ITGA7: variants seen among roughly 807,000 people sequenced by gnomAD.
ITGA7 encodes integrin alpha-7.
Under a neutral mutation model 131.6 loss-of-function variants are expected in ITGA7, and 84 were observed. That is an observed-to-expected ratio of 0.64 (90% CI 0.54 to 0.77). The LOEUF (loss-of-function observed/expected upper bound fraction) is 0.77. ITGA7 is among the 30% of genes least tolerant of loss of function. The probability of loss-of-function intolerance (pLI) is 0.00; values close to 1 mark genes in which losing one functional copy is unlikely to be tolerated. For missense variants in ITGA7, 1,399 were observed against 1,482.9 expected (o/e 0.94, Z 0.93); for synonymous variants, 548 against 600.7 (o/e 0.91, Z 1.28).
chr12:55,691,698 G>T (rs987450196), intron 21 of ITGA7, among the ~76,000 whole-genome samples: 1 of 152,174 alleles, frequency 6.6e-6, no homozygotes, highest in Non-Finnish European at 1.5e-5. Context: ...AATCGGTCAC[G>T]TGGAGAAGGG....
At position 55,701,146 on chromosome 12, in the gene ITGA7, T is replaced by G. The variant is rs1186979242; in HGVS notation, c.423A>C (p.Ala141=). 1 of 1,614,068 alleles carries G rather than the reference T, an allele frequency of 6.2e-7. No homozygotes were observed. The highest frequency in any genetic ancestry group is 2.2e-5 in the East Asian group (1 of 44,900). The change falls in exon 4 of 25, where the codon GCA becomes GCC. Residue 141 remains alanine (A), a synonymous_variant. Transcript: ENST00000257879. ...CTCGCTGCCTTGCCTCATATCGGTG[T>G]GCACAGGTCTGGGGGAGGAAGGGAT... ...QGPGGKIVTC[A]HRYEARQRVD...
At position 55,693,366 on chromosome 12, in the gene ITGA7, T is replaced by C. The variant is rs768953685; in HGVS notation, c.2536-49A>G. ...GGGAGAGACCTCAGTTTTTCTTTTT[T>C]TTTTTTTTTTAATTTTTTGTAGAGA... On this transcript the variant is annotated intron_variant, in intron 19 of 24. Transcript: ENST00000257879. 1.2e-5 allele frequency: 19 copies of C among 1,521,250 alleles called. 1 individual carries two copies. Among genetic ancestry groups the C allele is most frequent in the Non-Finnish European group, 1.7e-5 (19 of 1,110,018 alleles). The allele number at this position is 1,521,250 out of a possible 1,614,324, so 94.2% of individuals were successfully genotyped here. A position where few individuals can be genotyped will look rare whatever the true frequency, so the allele number is the denominator to read the frequency against.
chr12:55,716,040 C>A (rs115612389), upstream of ITGA7: 2 of 1,544,558 alleles, frequency 1.3e-6, no homozygotes, highest in African/African-American at 1.4e-5. Flanking sequence ...CGTGACACAG[C>A]GGTCACGTGA....
chr12:55,710,464 T>C (rs1206500740), upstream of ITGA7, among the ~76,000 whole-genome samples: 2 of 151,832 alleles, frequency 1.3e-5, no homozygotes, highest in Non-Finnish European at 2.9e-5. Context: ...GTCAAGAGCT[T>C]AGGAATTAGT....
chr12:55,715,882 A>G, upstream of ITGA7: 1 of 812,386 alleles, frequency 1.2e-6, no homozygotes, highest in Non-Finnish European at 1.8e-6. Context: ...CTGGCTTGGC[A>G]ATATAAGTAT....
chr12:55,689,038 G>T, intron 21 of ITGA7, 81 bp from the exon 22 acceptor site: 1 of 1,050,460 alleles, frequency 9.5e-7, no homozygotes, highest in Non-Finnish European at 1.5e-6. Flanking sequence ...TTCCTTACTT[G>T]ACCTCAAACT....
rs139274587 is a variant in ITGA7 at position 55,697,786 on chromosome 12, C to T, written c.1318G>A (p.Gly440Ser). 1.1e-5 allele frequency: 18 copies of T among 1,614,002 alleles called. No homozygotes were observed. Among genetic ancestry groups the T allele is most frequent in the East Asian group, 6.7e-5 (3 of 44,898 alleles). Residue 440 changes from glycine to serine, a missense_variant, in exon 9 of 25, where the codon GGC (glycine) becomes AGC (serine). Physicochemically the swap from Gly to Ser is moderately conservative, Grantham distance 56. Coordinates refer to ENST00000257879, the MANE Select transcript of ITGA7 (RefSeq NM_002206.3). ...EGEAVGIKSF[G>S]YSLSGSLDMD... is the part of the protein sequence containing the mutation. The stretch of plus-strand genomic sequence containing the variant: ...TCCAAGCTGCCTGACAGGGAGTAGC[C>T]GAAGCTCTTGATGCCCACAGCCTCG...
At chr12:55,688,344 T>A (rs1261930915) in intron 22 of ITGA7, 44 bp from the exon 23 acceptor site, 1 of 1,297,626 alleles carries the variant, frequency 7.7e-7, no homozygotes. Flanking sequence ...ATGCCCCATG[T>A]CTCCCTCCCT....
At position 55,697,237 on chromosome 12, in the gene ITGA7, TG is replaced by T. The variant is rs1419808779; in HGVS notation, c.1545del (p.Ser516AlafsTer13). 1 of 1,598,922 alleles carries T rather than the reference TG, an allele frequency of 6.3e-7. No individual in the cohort carries two copies. The highest frequency in any genetic ancestry group is 1.7e-4 in the Middle Eastern group (1 of 6,044). On this transcript the variant is annotated frameshift_variant, in exon 11 of 25. Transcript: ENST00000257879. LOFTEE classifies it high-confidence loss of function. ...LRVCFSYIAV[P>X]SSYSPTVALD... ...TCACCCACAGTAGGGCTATAGCTGCTGGGGACTGCAATGTAGCTGAAACAGA... is the reference window on the plus strand; with the variant it reads ...TCACCCACAGTAGGGCTATAGCTGCTGGGACTGCAATGTAGCTGAAACAGA...
In ITGA7 at chr12:55,698,395, C is replaced by A; in HGVS notation, c.1180G>T (p.Asp394Tyr). ...SLAVLGDLNQ[D>Y]GFPDIAVGAP... is the part of the protein sequence containing the mutation. Reference sequence around the variant, plus strand: ...TTCCCCGTCACACCTGGAAAGCCATCTTGGTTGAGGTCCCCCAGGACAGCC... The same window carrying A: ...TTCCCCGTCACACCTGGAAAGCCATATTGGTTGAGGTCCCCCAGGACAGCC... The change falls in exon 7 of 25, where the codon GAT (aspartate) becomes TAT (tyrosine). Residue 394 changes from aspartate (D) to tyrosine (Y), a missense_variant. By Grantham distance (160) the Asp-to-Tyr change is radical. Coordinates refer to ENST00000257879, the MANE Select transcript of ITGA7 (RefSeq NM_002206.3). 6.2e-7 allele frequency: 1 copy of A among 1,612,870 alleles called. No individual in the cohort carries two copies. The highest frequency in any genetic ancestry group is 1.1e-5 in the South Asian group (1 of 90,924).
chr12:55,705,016 C>T (rs1299924298), intron 1 of ITGA7, among the ~76,000 whole-genome samples: 1 of 152,196 alleles, frequency 6.6e-6, no homozygotes, highest in Admixed American at 6.5e-5. Context: ...GTTTACTGAA[C>T]ACACACATTT....
In ITGA7 at chr12:55,696,329, A is replaced by G; in HGVS notation, c.1841T>C (p.Val614Ala). The G allele has an allele frequency of 6.3e-7, 1 of 1,582,770 alleles. No homozygotes were observed. The highest frequency in any genetic ancestry group is 8.6e-7 in the Non-Finnish European group (1 of 1,163,408). ...RQAPGQGLPP[V>A]APILNAHQPS... ...CTGGTGGGCATTGAGGATGGGGGCC[A>G]CTGGAGGCAGCCCCTGGCCAGGAGC... The change falls in exon 13 of 25, where the codon GTG (valine) becomes GCG (alanine). Residue 614 changes from valine to alanine, a missense_variant. Coordinates refer to ENST00000257879, the MANE Select transcript of ITGA7 (RefSeq NM_002206.3).
Position 55,699,887 on chromosome 12 carries a change from G to A in ITGA7, c.773C>T (p.Ala258Val). 6.2e-7 allele frequency: 1 copy of A among 1,609,662 alleles called. No individual in the cohort carries two copies. Among genetic ancestry groups the A allele is most frequent in the South Asian group, 1.1e-5 (1 of 90,054 alleles). The change falls in exon 5 of 25, where the codon GCC becomes GTC. Residue 258 changes from alanine to valine, a missense_variant. By Grantham distance (64) the Ala-to-Val change is moderately conservative. Transcript: ENST00000257879. ...TTACAAACCTAAGTAGCTATTGAGGGCCAAGTCTCCGGCTGGTCCTGGGAG... is the reference window on the plus strand; with the variant it reads ...TTACAAACCTAAGTAGCTATTGAGGACCAAGTCTCCGGCTGGTCCTGGGAG... ...DRLPGPAGDL[A>V]LNSYLGFSID...
In ITGA7 at chr12:55,701,329, G is replaced by A. The variant is rs74569994; in HGVS notation, c.415-175C>T. 2.5e-3 allele frequency: 3,935 copies of A among 1,559,934 alleles called. 88 individuals are homozygous for A. In the African/African-American group the frequency reaches 0.045, roughly 18 times the overall value. On this transcript the variant is annotated intron_variant, in intron 3 of 24. Coordinates refer to ENST00000257879, the MANE Select transcript of ITGA7 (RefSeq NM_002206.3). Reference sequence around the variant, plus strand: ...GGCACCACTCAAGCACCATTACCCTGCCAGTGTTACACAGGTCCATGCATA... The same window carrying A: ...GGCACCACTCAAGCACCATTACCCTACCAGTGTTACACAGGTCCATGCATA...
In ITGA7 at chr12:55,697,679, G is replaced by A; in HGVS notation, c.1409+16C>T. 1 of 1,614,150 alleles carries A rather than the reference G, an allele frequency of 6.2e-7. No individual in the cohort carries two copies. The highest frequency in any genetic ancestry group is 8.5e-7 in the Non-Finnish European group (1 of 1,179,994). On this transcript the variant is annotated intron_variant, in intron 9 of 24. Transcript: ENST00000257879. ...GCTGACGGCCTCAGGGAGGGAAAAG[G>A]TTGAGAGGGGCTCACCTGAAGAGCA...
intron 7 of ITGA7, 143 bp from the exon 8 acceptor site, chr12:55,698,169 T>C: frequency 4.5e-6 from 4 of 887,440 alleles, no homozygotes; most frequent in Non-Finnish European, 7.1e-6. Flanking sequence ...ATACATCATC[T>C]TTAATCCTCT....
upstream of ITGA7, chr12:55,708,144 G>T (rs1222951117): frequency 4.8e-6 from 3 of 629,496 alleles, no homozygotes; most frequent in Non-Finnish European, 5.9e-6. Context: ...TCCCCACCCC[G>T]GGAGTGGTGG....
In ITGA7 at chr12:55,703,064, G is replaced by A; in HGVS notation, c.321C>T (p.Asp107=). Residue 107 remains aspartate (D), a synonymous_variant, in exon 2 of 25, where the codon GAC becomes GAT. Transcript: ENST00000257879. ...GCAGGGCCACACCTCCCTGGTCGAT[G>A]TCCACTCTGTAGCAGTCAGTCTCCT... is the stretch of plus-strand genomic sequence containing the variant. ...SLEETDCYRV[D]IDQGADMQKE... 1 of 1,614,090 alleles carries A rather than the reference G, an allele frequency of 6.2e-7. No individual in the cohort carries two copies. Among genetic ancestry groups the A allele is most frequent in the Non-Finnish European group, 8.5e-7 (1 of 1,180,046 alleles).
intron 1 of ITGA7, among the ~76,000 whole-genome samples, chr12:55,705,757 A>T (rs552742648): frequency 5.9e-5 from 9 of 152,280 alleles, no homozygotes; most frequent in Non-Finnish European, 1.3e-4. Flanking sequence ...AACCCTATGT[A>T]GTAATACTAT....
Sources: allele counts gnomAD v4.1 joint callset (sites outside exome capture counted in the v4.1 genomes callset), GRCh38; gene constraint gnomAD v4.1.1; transcripts MANE v1.5; gene names NCBI Gene and HGNC (gene_info 2026-07-23, HGNC 2026-07-21).